DECR1: variants seen among roughly 807,000 people sequenced by gnomAD.
The protein encoded by DECR1 is 2,4-dienoyl-CoA reductase 1.
Under a neutral mutation model 38.8 loss-of-function variants are expected in DECR1, and 44 were observed. That is an observed-to-expected ratio of 1.13 (90% confidence interval 0.89 to 1.46). The LOEUF (loss-of-function observed/expected upper bound fraction) is 1.46. Among genes scored for constraint, DECR1 ranks in the 40% most tolerant of loss-of-function variants. DECR1 has a pLI of 0.00. For missense variants in DECR1, 428 were observed against 405.5 expected (o/e 1.06, Z -0.48); for synonymous variants, 148 against 135.2 (o/e 1.09, Z -0.66).
At chr8:90,035,781 C>T (rs1039798292) in intron 5 of DECR1, among the ~76,000 whole-genome samples, 1 of 151,792 alleles carries the variant, frequency 6.6e-6, no homozygotes, top group Admixed American at 6.6e-5. Flanking sequence ...TTTTAATTTT[C>T]TTTTGAGGTG....
intron 1 of DECR1, among the ~76,000 whole-genome samples, chr8:90,012,628 C>T (rs1812913622): frequency 6.6e-6 from 1 of 152,162 alleles, no homozygotes; most frequent in Non-Finnish European, 1.5e-5. Flanking sequence ...TGGAGTCTGG[C>T]CAACCAAGTG....
chr8:90,044,774 A>G, intron 7 of DECR1, 75 bp from the exon 8 acceptor site: 2 of 1,484,318 alleles, frequency 1.3e-6, no homozygotes, highest in Non-Finnish European at 1.8e-6. Context: ...GCCATTTTAT[A>G]CACATTTTTT....
At chr8:90,033,777 T>A (rs1279636551) in intron 5 of DECR1, among the ~76,000 whole-genome samples, 1 of 152,222 alleles carries the variant, frequency 6.6e-6, no homozygotes. Flanking sequence ...TGTAGTAGGA[T>A]GGCTTAACTC....
intron 1 of DECR1, among the ~76,000 whole-genome samples, chr8:90,007,878 A>G (rs1330810576): frequency 6.6e-6 from 1 of 152,214 alleles, no homozygotes. Context: ...TTGATGAATC[A>G]TTCTGAGATT....
intron 5 of DECR1, among the ~76,000 whole-genome samples, chr8:90,031,322 A>G (rs1414506059): frequency 6.6e-6 from 1 of 152,164 alleles, no homozygotes; most frequent in Admixed American, 6.6e-5. Context: ...GAAAATGTTA[A>G]GTTTCCTCCA....
chr8:90,034,562 C>T (rs1813573549), intron 5 of DECR1, among the ~76,000 whole-genome samples: 1 of 152,126 alleles, frequency 6.6e-6, no homozygotes, highest in African/African-American at 2.4e-5. Flanking sequence ...AGTGATTCTC[C>T]TGCCTCAGCC....
intron 1 of DECR1, among the ~76,000 whole-genome samples, chr8:90,016,484 A>C (rs1184038008): frequency 6.6e-6 from 1 of 151,902 alleles, no homozygotes; most frequent in Non-Finnish European, 1.5e-5. Flanking sequence ...AAAATACAAA[A>C]ATTTAACGGC....
At chr8:90,003,040 A>G (rs1812654723) in intron 1 of DECR1, 1 of 152,204 alleles carries the variant, frequency 6.6e-6, no homozygotes, top group Non-Finnish European at 1.5e-5. Flanking sequence ...GTAATCTGAC[A>G]ATTTTGAAAT....
intron 5 of DECR1, among the ~76,000 whole-genome samples, chr8:90,032,615 T>A (rs908839131): frequency 1.3e-5 from 2 of 152,190 alleles, no homozygotes; most frequent in Non-Finnish European, 2.9e-5. Context: ...ATATTTCTTA[T>A]CTTGTTAGAA....
chr8:90,017,595 A>C (rs144962763), intron 2 of DECR1, among the ~76,000 whole-genome samples: 1 of 152,288 alleles, frequency 6.6e-6, no homozygotes, highest in Non-Finnish European at 1.5e-5. Context: ...CAGTGGTAGA[A>C]TATTTCTTTT....
At chr8:90,020,458 G>A (rs926385973) in intron 4 of DECR1, among the ~76,000 whole-genome samples, 11 of 151,956 alleles carry the variant, frequency 7.2e-5, no homozygotes, top group East Asian at 1.9e-4. Context: ...GCACAATCAC[G>A]GCTCAGTGGA....
At chr8:90,021,095 G>A (rs778011226) in intron 5 of DECR1, 39 bp downstream of exon 5, 2 of 1,516,688 alleles carry the variant, frequency 1.3e-6, no homozygotes, top group Non-Finnish European at 1.8e-6. Context: ...TTTGGCTTCT[G>A]TGTGTGCAAG....
At chr8:90,038,601 G>A (rs1813674359) in intron 6 of DECR1, among the ~76,000 whole-genome samples, 1 of 151,810 alleles carries the variant, frequency 6.6e-6, no homozygotes, top group South Asian at 2.1e-4. Context: ...TGAGATTACA[G>A]GCATATGCCA....
Position 90,051,730 on chromosome 8 carries a change from C to T in DECR1, c.939C>T (p.Asp313=), listed in dbSNP as rs772185951. ...TACTTATTTCAGGGGAATTCAACGA[C>T]CTGAGAAAGGTAATGCTTTTGTGTG... ...EEVLISGEFN[D]LRKVTKEQWD... The change falls in exon 9 of 10, where the codon GAC becomes GAT. Residue 313 remains aspartate, a synonymous_variant. Transcript: ENST00000220764. The T allele has an allele frequency of 6.2e-7, 1 of 1,613,202 alleles. No individual in the cohort carries two copies. The highest frequency in any genetic ancestry group is 1.1e-5 in the South Asian group (1 of 91,024).
chr8:90,026,423 G>A (rs989032222), intron 5 of DECR1, among the ~76,000 whole-genome samples: 9 of 152,240 alleles, frequency 5.9e-5, no homozygotes, highest in African/African-American at 2.2e-4. Context: ...TATATTCAGG[G>A]ATTCAACTTC....
chr8:90,016,527 T>C (rs1813010845), intron 1 of DECR1, among the ~76,000 whole-genome samples: 1 of 151,982 alleles, frequency 6.6e-6, no homozygotes, highest in Non-Finnish European at 1.5e-5. Flanking sequence ...CCAGCTACTC[T>C]ACTCGGGAGG....
rs747386559 is a variant in DECR1 at position 90,049,175 on chromosome 8, CA to C, written c.886-2501del. 8.5e-5 allele frequency among the ~76,000 whole-genome samples: 13 copies of C among 152,298 alleles called. No individual in the cohort carries two copies. The East Asian group carries it at 2.1e-3, about 25-fold the overall frequency. On this transcript the variant is annotated intron_variant, in intron 8 of 9. Coordinates refer to ENST00000220764, the MANE Select transcript of DECR1 (RefSeq NM_001359.2). ...TCAACATAGTGTTGGAAGTTCTGGT[CA>C]GGGCAGTCAGGCAGGAGAAATAAAT...
intron 6 of DECR1, among the ~76,000 whole-genome samples, chr8:90,038,414 A>G (rs1563649266): frequency 6.6e-6 from 1 of 150,806 alleles, no homozygotes; most frequent in Non-Finnish European, 1.5e-5. Flanking sequence ...TGAAGGTAAT[A>G]TACCAATGTA....
chr8:90,031,581 T>C (rs1428807984), intron 5 of DECR1, among the ~76,000 whole-genome samples: 1 of 152,202 alleles, frequency 6.6e-6, no homozygotes, highest in Non-Finnish European at 1.5e-5. Flanking sequence ...GTTATAGTCC[T>C]ATTTTGAGTA....
Sources: allele counts gnomAD v4.1 joint callset (sites outside exome capture counted in the v4.1 genomes callset), GRCh38; gene constraint gnomAD v4.1.1; transcripts MANE v1.5; gene names NCBI Gene and HGNC (gene_info 2026-07-23, HGNC 2026-07-21).